The following MCEE variants were observed in gnomAD, a reference collection of about 807,000 sequenced individuals.
MCEE encodes the protein methylmalonyl-CoA epimerase.
In MCEE, 6 loss-of-function variants were observed where a neutral mutation model predicts 12.9. The ratio of observed to expected loss-of-function variants is 0.47; its 90% CI spans 0.26 to 0.92. MCEE has a LOEUF of 0.92. Among genes scored for constraint, MCEE ranks in the 40% least tolerant of loss-of-function variants. The probability of loss-of-function intolerance (pLI) is 0.16; values close to 1 mark genes in which losing one functional copy is unlikely to be tolerated. For synonymous variants in MCEE, 78 were observed against 77.9 expected, an observed-to-expected ratio of 1.00 and a Z score of -0.01; for missense variants, 214 against 212.1, an observed-to-expected ratio of 1.01 and a Z score of -0.05.
intron 2 of MCEE, among the ~76,000 whole-genome samples, chr2:71,123,392 G>A (rs1182386211): frequency 6.6e-6 from 1 of 151,728 alleles, no homozygotes; most frequent in Non-Finnish European, 1.5e-5. Flanking sequence ...CTGGTAGGCT[G>A]AGGCAGGAGA....
chr2:71,128,379 G>C (rs1673284665), intron 1 of MCEE, among the ~76,000 whole-genome samples: 1 of 152,130 alleles, frequency 6.6e-6, no homozygotes, highest in Admixed American at 6.5e-5. Context: ...CCCCAAAGAA[G>C]CGGGAATTCA....
chr2:71,114,956 T>C (rs903794570), intron 2 of MCEE, among the ~76,000 whole-genome samples: 2 of 152,350 alleles, frequency 1.3e-5, no homozygotes, highest in African/African-American at 4.8e-5. Context: ...ATAACTCCTA[T>C]GCTACATGTG....
chr2:71,128,781 G>A (rs1347252819), intron 1 of MCEE, among the ~76,000 whole-genome samples: 1 of 152,032 alleles, frequency 6.6e-6, no homozygotes, highest in Non-Finnish European at 1.5e-5. Flanking sequence ...CTGAGGCCAG[G>A]AGTTCCAAAC....
At position 71,109,901 on chromosome 2, in the gene MCEE, CA is replaced by C; in HGVS notation, c.*68del. ...ATGGAAGCAGTGAAGGACTCAATGT[CA>C]TAGTACATTTTGATAGTATTTGATA... On this transcript the variant is annotated 3_prime_UTR_variant, in exon 3 of 3. Coordinates refer to ENST00000244217, the MANE Select transcript of MCEE (RefSeq NM_032601.4). 6.7e-7 allele frequency: 1 copy of C among 1,502,654 alleles called. No individual in the cohort carries two copies. Among genetic ancestry groups the C allele is most frequent in the Non-Finnish European group, 9.2e-7 (1 of 1,086,986 alleles). The allele number at this position is 1,502,654 out of a possible 1,614,324, so 93.1% of individuals were successfully genotyped here.
chr2:71,115,127 T>A (rs1455542017), intron 2 of MCEE, among the ~76,000 whole-genome samples: 4 of 152,200 alleles, frequency 2.6e-5, no homozygotes, highest in Non-Finnish European at 4.4e-5. Flanking sequence ...CAGTGGTTCA[T>A]GCCTATAATC....
At chr2:71,110,579 A>G (rs982692566) in intron 2 of MCEE, among the ~76,000 whole-genome samples, 1 of 152,312 alleles carries the variant, frequency 6.6e-6, no homozygotes, top group Admixed American at 6.5e-5. Context: ...CTTAGCAAAT[A>G]TGAGTGTTTC....
chr2:71,115,855 T>A (rs933249969), intron 2 of MCEE, among the ~76,000 whole-genome samples: 1 of 149,456 alleles, frequency 6.7e-6, no homozygotes, highest in Non-Finnish European at 1.5e-5. Context: ...GAGAAATATC[T>A]AATGTAGACG....
At chr2:71,122,619 A>T (rs186863283) in intron 2 of MCEE, among the ~76,000 whole-genome samples, 4 of 152,274 alleles carry the variant, frequency 2.6e-5, no homozygotes, top group African/African-American at 9.6e-5. Context: ...CCCCCTTATA[A>T]AACTGTCAGA....
intron 1 of MCEE, chr2:71,129,972 G>A (rs1250147872): frequency 4.7e-6 from 3 of 642,618 alleles, no homozygotes; most frequent in South Asian, 3.5e-5. Context: ...ATGGAAATGG[G>A]ACTCATGCAC....
chr2:71,125,271 C>A (rs1456696339), intron 1 of MCEE, among the ~76,000 whole-genome samples: 2 of 138,686 alleles, frequency 1.4e-5, no homozygotes, highest in African/African-American at 2.7e-5. Flanking sequence ...TGAAGTGGCG[C>A]GATCTGGGCT....
At chr2:71,110,633 C>G (rs1485465282) in intron 2 of MCEE, 1 of 154,570 alleles carries the variant, frequency 6.5e-6, no homozygotes, top group Admixed American at 6.4e-5. Flanking sequence ...TGGTTATTAC[C>G]TTTGACATTA....
rs1324249852 is a variant in MCEE, at chr2:71,124,567, T to C, written c.41-24A>G. The C allele has an allele frequency of 6.4e-6, 10 of 1,573,558 alleles. No homozygotes were observed. The East Asian group carries it at 2.0e-4, about 32-fold the overall frequency. On this transcript the variant is annotated intron_variant, in intron 1 of 2. Coordinates refer to ENST00000244217, the MANE Select transcript of MCEE (RefSeq NM_032601.4). The stretch of plus-strand genomic sequence containing the variant: ...CCCTGAAAAATTGAACAGCCATTGA[T>C]ATCCTTCTTTTGAGAATTAACGCAC...
At chr2:71,123,018 C>T (rs145731422) in intron 2 of MCEE, among the ~76,000 whole-genome samples, 1 of 152,338 alleles carries the variant, frequency 6.6e-6, no homozygotes, top group East Asian at 1.9e-4. Flanking sequence ...GTATATTGCA[C>T]TTGGGTGTTT....
At chr2:71,122,187 G>A (rs1673112768) in intron 2 of MCEE, among the ~76,000 whole-genome samples, 1 of 152,204 alleles carries the variant, frequency 6.6e-6, no homozygotes. Context: ...GTGCAGTGGT[G>A]TGATCACGGC....
intron 1 of MCEE, among the ~76,000 whole-genome samples, chr2:71,128,507 A>G (rs541600642): frequency 6.6e-6 from 1 of 151,264 alleles, no homozygotes; most frequent in Non-Finnish European, 1.5e-5. Flanking sequence ...ACACAATGGA[A>G]TATTATTCAG....
intron 1 of MCEE, among the ~76,000 whole-genome samples, chr2:71,128,333 A>G (rs551244537): frequency 6.6e-6 from 1 of 152,324 alleles, no homozygotes; most frequent in Non-Finnish European, 1.5e-5. Flanking sequence ...TAGAATTACC[A>G]TGTAATCCAG....
chr2:71,125,901 C>T lies in MCEE; in HGVS notation c.41-1358G>A, dbSNP rs117423858. ...TCATGAAATCCAAGTGGATTACAAC[C>T]GAGTACACATATACATAAATGTACA... On this transcript the variant is annotated intron_variant, in intron 1 of 2. Coordinates refer to ENST00000244217, the MANE Select transcript of MCEE (RefSeq NM_032601.4). Among the ~76,000 whole-genome samples the T allele has an allele frequency of 3.9e-3, 595 of 152,184 alleles. 12 individuals carry two copies. The highest frequency in any genetic ancestry group is 0.029 in the East Asian group (149 of 5,162).
At chr2:71,129,165 C>G (rs1673308001) in intron 1 of MCEE, among the ~76,000 whole-genome samples, 1 of 152,074 alleles carries the variant, frequency 6.6e-6, no homozygotes, top group Non-Finnish European at 1.5e-5. Context: ...CAAACATGCA[C>G]CTTTATCTGT....
chr2:71,126,538 T>C (rs1011132742), intron 1 of MCEE, among the ~76,000 whole-genome samples: 4 of 148,044 alleles, frequency 2.7e-5, no homozygotes, highest in African/African-American at 7.6e-5. Flanking sequence ...AACTGTACAT[T>C]TTTAAAGGGT....
Sources: allele counts gnomAD v4.1 joint callset (sites outside exome capture counted in the v4.1 genomes callset), GRCh38; gene constraint gnomAD v4.1.1; transcripts MANE v1.5; gene names NCBI Gene and HGNC (gene_info 2026-07-23, HGNC 2026-07-21).